Variants in KLHL15 observed in about 807,000 individuals in gnomAD.
The protein encoded by KLHL15 is kelch-like protein 15.
Under a neutral mutation model 29.3 loss-of-function variants are expected in KLHL15, and 1 was observed. The ratio of observed to expected loss-of-function variants is 0.03; its 90% CI spans 0.01 to 0.16. The LOEUF is 0.16. Among genes scored for constraint, KLHL15 ranks in the 10% least tolerant of loss-of-function variants. The pLI, the probability that KLHL15 is intolerant of heterozygous loss-of-function variation, is 1.00. For synonymous variants in KLHL15, 212 were observed against 184.5 expected (o/e 1.15, Z -1.21); for missense variants, 215 against 478.5 (o/e 0.45, Z 5.14).
intron 3 of KLHL15, among the ~76,000 whole-genome samples, chrX:24,000,929 T>TTAAAATGGGGGACATTTA (rs1929301780): frequency 8.9e-6 from 1 of 112,483 alleles, no homozygotes; most frequent in African/African-American, 3.2e-5. Flanking sequence ...GTCCCCCATT[T>TTAAAATGGGGGACATTTA]TAAAATGTAG....
In KLHL15 at chrX:24,024,801, G is replaced by C. The variant is rs1008301840; in HGVS notation, c.-8+56C>G. 15 of 296,650 alleles carry C rather than the reference G, an allele frequency of 5.1e-5. 1 individual carries two copies. The highest frequency in any genetic ancestry group is 8.8e-5 in the Non-Finnish European group (15 of 169,729). 24.4% of individuals were successfully genotyped at this position (296,650 alleles called of 1,213,427 possible). On this transcript the variant is annotated intron_variant, in intron 2 of 3. Transcript: ENST00000328046. ...GGGCCGGCGAATTCGTGCCTAGCTCGGGGCCGCGGGCGAAGCCCGGGCTCC... is the reference window on the plus strand; with the variant it reads ...GGGCCGGCGAATTCGTGCCTAGCTCCGGGCCGCGGGCGAAGCCCGGGCTCC...
In KLHL15 at chrX:23,988,163, A is replaced by C; in HGVS notation, c.1573T>G (p.Leu525Val). The C allele has an allele frequency of 2.5e-6, 3 of 1,212,174 alleles. No individual in the cohort carries two copies. The highest frequency in any genetic ancestry group is 3.3e-6 in the Non-Finnish European group (3 of 895,576). The change falls in exon 4 of 4, where the codon TTG (leucine) becomes GTG (valine). Residue 525 changes from leucine to valine, a missense_variant. Leu to Val is a conservative substitution (Grantham distance 32, BLOSUM62 1). Transcript: ENST00000328046. Reference sequence around the variant, plus strand: ...CTTCTACCAATCGGCATGGATGCCAAGATGGTCCACTGATCAGTCTCTGGG... The same window carrying C: ...CTTCTACCAATCGGCATGGATGCCACGATGGTCCACTGATCAGTCTCTGGG... ...YNPETDQWTI[L>V]ASMPIGRSGH...
chrX:23,990,207 A>G (rs957856555), intron 3 of KLHL15, among the ~76,000 whole-genome samples: 2 of 111,743 alleles, frequency 1.8e-5, no homozygotes, highest in African/African-American at 6.5e-5. Flanking sequence ...AGAAACAAAA[A>G]TAAGCGTAAG....
intron 2 of KLHL15, among the ~76,000 whole-genome samples, chrX:24,009,260 G>A (rs1191611934): frequency 1.8e-5 from 2 of 111,295 alleles, no homozygotes; most frequent in Admixed American, 9.6e-5. Context: ...ACTTTGGGAG[G>A]CCGAGATGGG....
intron 3 of KLHL15, among the ~76,000 whole-genome samples, chrX:24,003,676 T>C (rs868487131): frequency 2.9e-5 from 3 of 102,997 alleles, no homozygotes; most frequent in East Asian, 3.3e-4. Flanking sequence ...TGTGTGTGTG[T>C]GTGCTCGTGT....
At chrX:23,997,730 C>CAA (rs59857010) in intron 3 of KLHL15, among the ~76,000 whole-genome samples, 123 of 24,022 alleles carry the variant, frequency 5.1e-3, no homozygotes, top group Non-Finnish European at 7.6e-3. Context: ...GACTCTGTCT[C>CAA]AAAAAAAAAA....
chrX:24,019,275 T>C (rs1342554136), intron 2 of KLHL15, among the ~76,000 whole-genome samples: 1 of 112,140 alleles, frequency 8.9e-6, no homozygotes, highest in East Asian at 2.8e-4. Flanking sequence ...TATTTGTTTA[T>C]TTATTTTTTG....
chrX:24,024,945 C>T lies in KLHL15; in HGVS notation c.-96G>A, dbSNP rs746890800. ...GGCCGATGGGTGGGCGGTCGGGCGC[C>T]GGGACGGCACTCGGCAGGCTCCTCG... is the stretch of plus-strand genomic sequence containing the variant. On this transcript the variant is annotated 5_prime_UTR_variant, in exon 2 of 4. Coordinates refer to ENST00000328046, the MANE Select transcript of KLHL15 (RefSeq NM_030624.3). 6.7e-6 allele frequency: 2 copies of T among 297,168 alleles called. No homozygotes were observed. The highest frequency in any genetic ancestry group is 4.8e-5 in the East Asian group (1 of 20,973). The allele number at this position is 297,168 out of a possible 1,213,427, so 24.5% of individuals were successfully genotyped here.
intron 3 of KLHL15, among the ~76,000 whole-genome samples, chrX:23,991,353 CAAA>C (rs35278201): frequency 3.6e-5 from 2 of 55,515 alleles, no homozygotes; most frequent in Non-Finnish European, 7.0e-5. Context: ...AACTCTGTCT[CAAA>C]AAAAAAAAAA....
intron 2 of KLHL15, among the ~76,000 whole-genome samples, chrX:24,019,222 TA>T (rs1012704842): frequency 8.9e-6 from 1 of 111,884 alleles, no homozygotes; most frequent in African/African-American, 3.2e-5. Flanking sequence ...TTATTTTTCA[TA>T]AAAAAATGTT....
intron 3 of KLHL15, among the ~76,000 whole-genome samples, chrX:23,992,685 A>G (rs1185575226): frequency 8.9e-6 from 1 of 112,444 alleles, no homozygotes; most frequent in Non-Finnish European, 1.9e-5. Flanking sequence ...GAAGCTCTCA[A>G]AAGCATAACG....
chrX:23,999,589 C>T (rs1196078589), intron 3 of KLHL15, among the ~76,000 whole-genome samples: 1 of 55,667 alleles, frequency 1.8e-5, no homozygotes, highest in Non-Finnish European at 2.6e-5. Flanking sequence ...AGCGAGACTC[C>T]GTCTCAAAAA....
Position 24,006,230 on chromosome X carries a change from T to A in KLHL15, c.464A>T (p.Asp155Val). The A allele has an allele frequency of 8.3e-7, 1 of 1,211,264 alleles. No homozygotes were observed. The highest frequency in any genetic ancestry group is 1.1e-6 in the Non-Finnish European group (1 of 895,190). ...VNIEGVREKL[D>V]TFLLDNFVPL... ...CACAAAGTTGTCTAGCAGAAAGGTG[T>A]CTAACTTCTCCCTGACTCCCTCGAT... The change falls in exon 3 of 4, where the codon GAC (aspartate) becomes GTC (valine). Residue 155 changes from aspartate (D) to valine (V), a missense_variant. Physicochemically the swap from Asp to Val is radical, Grantham distance 152. Coordinates refer to ENST00000328046, the MANE Select transcript of KLHL15 (RefSeq NM_030624.3).
chrX:23,999,296 C>G (rs1236717330), intron 3 of KLHL15, among the ~76,000 whole-genome samples: 1 of 109,271 alleles, frequency 9.2e-6, no homozygotes, highest in Non-Finnish European at 1.9e-5. Flanking sequence ...TTGTTTTCAT[C>G]TTTAATTTAA....
At chrX:24,003,995 C>G (rs377465250) in intron 3 of KLHL15, among the ~76,000 whole-genome samples, 1 of 108,358 alleles carries the variant, frequency 9.2e-6, no homozygotes, top group East Asian at 2.9e-4. Flanking sequence ...TTATCTTCAC[C>G]TAAGGAGAAA....
chrX:24,003,589 T>C (rs1226287327), intron 3 of KLHL15, among the ~76,000 whole-genome samples: 2 of 103,507 alleles, frequency 1.9e-5, no homozygotes, highest in East Asian at 3.0e-4. Flanking sequence ...AAAAAAACCA[T>C]GTAGATGCTA....
chrX:23,996,740 G>A (rs1233471216), intron 3 of KLHL15, among the ~76,000 whole-genome samples: 2 of 112,144 alleles, frequency 1.8e-5, no homozygotes, highest in African/African-American at 6.5e-5. Flanking sequence ...ACATGGAGCA[G>A]TCTTTAGATG....
intron 3 of KLHL15, among the ~76,000 whole-genome samples, chrX:24,000,736 G>A (rs765327597): frequency 1.8e-5 from 2 of 112,036 alleles, no homozygotes; most frequent in East Asian, 5.6e-4. Flanking sequence ...CATTGGTCAA[G>A]TGCTGGATTA....
At chrX:24,019,888 TAA>T (rs1929770114) in intron 2 of KLHL15, among the ~76,000 whole-genome samples, 1 of 112,188 alleles carries the variant, frequency 8.9e-6, no homozygotes, top group East Asian at 2.8e-4. Context: ...TATAGGCAAT[TAA>T]AAGACATTTC....
Sources: allele counts gnomAD v4.1 joint callset (sites outside exome capture counted in the v4.1 genomes callset), GRCh38; gene constraint gnomAD v4.1.1; transcripts MANE v1.5; gene names NCBI Gene and HGNC (gene_info 2026-07-23, HGNC 2026-07-21).